Variants in FBXL7 observed in about 807,000 individuals in gnomAD.
The protein encoded by FBXL7 is F-box and leucine rich repeat protein 7, also known as F-box/LRR-repeat protein 7.
A neutral mutation model predicts 38.3 loss-of-function variants in FBXL7; 12 were observed. The ratio of observed to expected loss-of-function variants is 0.31; its 90% confidence interval spans 0.20 to 0.51. The LOEUF (loss-of-function observed/expected upper bound fraction) is 0.51. FBXL7 is among the 20% of genes least tolerant of loss of function. The pLI is 0.98. For missense variants in FBXL7, 567 were observed against 676.4 expected (o/e 0.84, Z 1.79); for synonymous variants, 297 against 300.9 (o/e 0.99, Z 0.13).
At chr5:15,559,976 C>G (rs546441037) in intron 1 of FBXL7, among the ~76,000 whole-genome samples, 1 of 152,188 alleles carries the variant, frequency 6.6e-6, no homozygotes, top group Admixed American at 6.5e-5. Flanking sequence ...TCCCTGGCAC[C>G]TACACTTACG....
intron 1 of FBXL7, among the ~76,000 whole-genome samples, chr5:15,511,970 T>A (rs546117697): frequency 6.6e-6 from 1 of 152,342 alleles, no homozygotes; most frequent in African/African-American, 2.4e-5. Flanking sequence ...TTCATTACAG[T>A]ACACTTCCTG....
chr5:15,809,652 A>C (rs1055059296), intron 2 of FBXL7, among the ~76,000 whole-genome samples: 1 of 152,120 alleles, frequency 6.6e-6, no homozygotes, highest in Non-Finnish European at 1.5e-5. Flanking sequence ...ATCAATTTAA[A>C]GAAAAAAAAA....
intron 2 of FBXL7, among the ~76,000 whole-genome samples, chr5:15,828,254 G>C (rs1289008154): frequency 6.6e-6 from 1 of 152,180 alleles, no homozygotes; most frequent in Admixed American, 6.5e-5. Context: ...ATTAGTATAA[G>C]ATTGAGTTAG....
intron 2 of FBXL7, among the ~76,000 whole-genome samples, chr5:15,905,257 A>G (rs1466550600): frequency 1.3e-5 from 2 of 152,210 alleles, no homozygotes. Flanking sequence ...AAGACAATAA[A>G]ACACTGAAGT....
rs920137405 is a variant in FBXL7 at position 15,633,340 on chromosome 5, T to A, written c.127+17268T>A. Among the ~76,000 whole-genome samples, 30 of 152,210 alleles carry A rather than the reference T, an allele frequency of 2.0e-4. 1 individual carries two copies. Among genetic ancestry groups the A allele is most frequent in the Non-Finnish European group, 4.1e-4 (28 of 68,038 alleles). On this transcript the variant is annotated intron_variant, in intron 2 of 3. Transcript: ENST00000504595. ...TGTGACTTGATCAAAATTCAATTAT[T>A]TGATTTTGTCAACATAAGTTTAGAT...
At chr5:15,795,605 T>C (rs1737395046) in intron 2 of FBXL7, among the ~76,000 whole-genome samples, 1 of 152,358 alleles carries the variant, frequency 6.6e-6, no homozygotes. Context: ...CTTTAAGGAC[T>C]CAGTCACAGA....
intron 2 of FBXL7, among the ~76,000 whole-genome samples, chr5:15,732,719 A>G (rs1475252895): frequency 6.6e-6 from 1 of 152,156 alleles, no homozygotes; most frequent in African/African-American, 2.4e-5. Context: ...TGGAACTACA[A>G]CTGATGTTAA....
At chr5:15,592,238 C>T in intron 1 of FBXL7, among the ~76,000 whole-genome samples, 1 of 152,124 alleles carries the variant, frequency 6.6e-6, no homozygotes. Flanking sequence ...CCATCCTCTG[C>T]CCCAGTTTTA....
intron 1 of FBXL7, among the ~76,000 whole-genome samples, chr5:15,527,050 G>T (rs951306759): frequency 2.0e-5 from 3 of 152,160 alleles, no homozygotes; most frequent in African/African-American, 7.2e-5. Flanking sequence ...GTTGGTTTAT[G>T]GACCTCCACC....
chr5:15,688,727 G>C (rs553755626), intron 2 of FBXL7, among the ~76,000 whole-genome samples: 14 of 152,168 alleles, frequency 9.2e-5, no homozygotes, highest in Non-Finnish European at 1.6e-4. Context: ...TGTCCCCAAG[G>C]CTGAAGGTTT....
chr5:15,849,869 A>G (rs1478236852), intron 2 of FBXL7, among the ~76,000 whole-genome samples: 1 of 152,174 alleles, frequency 6.6e-6, no homozygotes, highest in Non-Finnish European at 1.5e-5. Context: ...TTAGAGCTTG[A>G]TAATTATTAA....
At chr5:15,917,633 A>AAAGG (rs547535270) in intron 2 of FBXL7, among the ~76,000 whole-genome samples, 13 of 115,694 alleles carry the variant, frequency 1.1e-4, no homozygotes, top group African/African-American at 2.9e-4. Context: ...GAAAGAAAGT[A>AAAGG]AAGGAAGGGA....
intron 1 of FBXL7, among the ~76,000 whole-genome samples, chr5:15,566,708 A>G (rs772525645): frequency 1.3e-5 from 2 of 152,174 alleles, no homozygotes; most frequent in Non-Finnish European, 2.9e-5. Flanking sequence ...TGGAAAAGCA[A>G]ATGATTACTT....
intron 2 of FBXL7, among the ~76,000 whole-genome samples, chr5:15,851,382 G>A (rs552491104): frequency 2.0e-5 from 3 of 152,234 alleles, no homozygotes; most frequent in Admixed American, 2.0e-4. Flanking sequence ...GCCTCAGGTC[G>A]CAACGGCACC....
At chr5:15,619,988 C>G (rs950131765) in intron 2 of FBXL7, among the ~76,000 whole-genome samples, 14 of 152,220 alleles carry the variant, frequency 9.2e-5, no homozygotes, top group Admixed American at 6.5e-4. Flanking sequence ...ACAGAGGGCC[C>G]TCACATAACC....
chr5:15,720,369 A>G (rs17647886), intron 2 of FBXL7, among the ~76,000 whole-genome samples: 8,639 of 148,312 alleles, frequency 0.058, 905 homozygotes, highest in South Asian at 0.094. Context: ...CCACACTGTC[A>G]ACTTTCAGCT....
chr5:15,748,049 ACCT>A (rs1214051153), intron 2 of FBXL7, among the ~76,000 whole-genome samples: 10 of 122,920 alleles, frequency 8.1e-5, no homozygotes, highest in Non-Finnish European at 1.3e-4. Context: ...CCCAGGGAAC[ACCT>A]GGAAAAGTCT....
intron 2 of FBXL7, among the ~76,000 whole-genome samples, chr5:15,634,511 G>T (rs990164217): frequency 6.7e-6 from 1 of 149,448 alleles, no homozygotes; most frequent in African/African-American, 2.5e-5. Flanking sequence ...TAGTTGGGGG[G>T]GGGGTTTACC....
At chr5:15,831,541 G>A (rs963114622) in intron 2 of FBXL7, among the ~76,000 whole-genome samples, 1 of 152,148 alleles carries the variant, frequency 6.6e-6, no homozygotes. Flanking sequence ...AGTGCTGTGG[G>A]GAAACACTAG....
Sources: allele counts gnomAD v4.1 joint callset (sites outside exome capture counted in the v4.1 genomes callset), GRCh38; gene constraint gnomAD v4.1.1; transcripts MANE v1.5; gene names NCBI Gene and HGNC (gene_info 2026-07-23, HGNC 2026-07-21).